The following TMEM45A variants were observed in gnomAD, a reference collection of about 807,000 sequenced individuals.
The protein encoded by TMEM45A is DNA polymerase-transactivated protein 4.
TMEM45A carries 25 observed loss-of-function variants against 32.0 expected under a neutral mutation model. That is an observed-to-expected ratio of 0.78 (90% CI 0.57 to 1.09). The LOEUF (loss-of-function observed/expected upper bound fraction) is 1.09. TMEM45A is among the 50% of genes least tolerant of loss of function. TMEM45A has a pLI of 0.00. For missense variants in TMEM45A, 302 were observed against 325.0 expected (o/e 0.93, Z 0.54); for synonymous variants, 122 against 114.8 (o/e 1.06, Z -0.40).
intron 1 of TMEM45A, among the ~76,000 whole-genome samples, chr3:100,541,531 T>C (rs1200304802): frequency 2.8e-5 from 4 of 145,218 alleles, no homozygotes; most frequent in Middle Eastern, 3.5e-3. Flanking sequence ...TTCCTTTTTT[T>C]TTTTTTTTTT....
At chr3:100,504,132 C>T (rs952608197) in intron 1 of TMEM45A, among the ~76,000 whole-genome samples, 2 of 152,040 alleles carry the variant, frequency 1.3e-5, no homozygotes, top group Non-Finnish European at 2.9e-5. Flanking sequence ...CTGATCCACT[C>T]TTGTTCAAGT....
At chr3:100,538,825 T>G (rs1244699290) in intron 1 of TMEM45A, among the ~76,000 whole-genome samples, 1 of 151,860 alleles carries the variant, frequency 6.6e-6, no homozygotes, top group Non-Finnish European at 1.5e-5. Flanking sequence ...CAACTGGAAT[T>G]CAAAATTAAA....
intron 3 of TMEM45A, among the ~76,000 whole-genome samples, chr3:100,557,292 G>A (rs1369316874): frequency 6.6e-6 from 1 of 152,026 alleles, no homozygotes. Context: ...TTTAACAAAC[G>A]AAAACTGATC....
chr3:100,556,736 A>C, intron 2 of TMEM45A, 24 bp from the exon 3 acceptor site: 1 of 1,597,824 alleles, frequency 6.3e-7, no homozygotes, highest in Non-Finnish European at 8.5e-7. Flanking sequence ...AGAGTTGCTA[A>C]AACTGTGATA....
At chr3:100,496,013 T>A (rs1031591058) in intron 1 of TMEM45A, among the ~76,000 whole-genome samples, 1 of 152,218 alleles carries the variant, frequency 6.6e-6, no homozygotes, top group South Asian at 2.1e-4. Flanking sequence ...AATATGCACT[T>A]AAGTGGAGAG....
chr3:100,525,117 G>A (rs1041670899), intron 1 of TMEM45A, among the ~76,000 whole-genome samples: 4 of 152,108 alleles, frequency 2.6e-5, no homozygotes, highest in African/African-American at 9.6e-5. Flanking sequence ...GAGTCCAGGA[G>A]TTTGAGACTG....
intron 1 of TMEM45A, among the ~76,000 whole-genome samples, chr3:100,522,199 C>T (rs1559639289): frequency 6.6e-6 from 1 of 152,152 alleles, no homozygotes. Flanking sequence ...TTCCCTGGAC[C>T]ATACCCTGTT....
At chr3:100,548,262 C>G (rs551530504) in intron 1 of TMEM45A, among the ~76,000 whole-genome samples, 26 of 152,278 alleles carry the variant, frequency 1.7e-4, no homozygotes, top group African/African-American at 6.3e-4. Flanking sequence ...CAAATGGCCT[C>G]TGGAGTACAG....
intron 1 of TMEM45A, among the ~76,000 whole-genome samples, chr3:100,549,633 A>G (rs576377675): frequency 5.4e-4 from 82 of 152,340 alleles, no homozygotes; most frequent in Non-Finnish European, 9.4e-4. Flanking sequence ...TGCTAGAAAG[A>G]TAGGAGCACA....
At chr3:100,564,007 TG>T (rs1706380536) in intron 4 of TMEM45A, among the ~76,000 whole-genome samples, 1 of 152,118 alleles carries the variant, frequency 6.6e-6, no homozygotes, top group African/African-American at 2.4e-5. Flanking sequence ...CAGCCCTTGG[TG>T]GGTGAGGCAC....
At chr3:100,575,601 A>T (rs1223987808) in intron 5 of TMEM45A, among the ~76,000 whole-genome samples, 1 of 151,932 alleles carries the variant, frequency 6.6e-6, no homozygotes, top group Non-Finnish European at 1.5e-5. Flanking sequence ...TGAACTCTTG[A>T]CCACAGGCGA....
At chr3:100,501,458 A>G (rs11926280) in intron 1 of TMEM45A, among the ~76,000 whole-genome samples, 64,941 of 151,682 alleles carry the variant, frequency 0.43, 14,142 homozygotes, top group Non-Finnish European at 0.46. Flanking sequence ...AAACCCTCAC[A>G]GGTGAGCTGG....
chr3:100,555,378 C>T lies in TMEM45A; in HGVS notation c.167C>T (p.Thr56Ile). The stretch of plus-strand genomic sequence containing the variant: ...CGATTGGAAATTTTGGAGGGAATTA[C>T]AATAGTTGGCATGGCTTTAACTGGT... ...FYRLEILEGI[T>I]IVGMALTGMA... The change falls in exon 2 of 6, where the codon ACA becomes ATA. Residue 56 changes from threonine (T) to isoleucine (I), a missense_variant. Transcript: ENST00000323523. The T allele has an allele frequency of 6.2e-7, 1 of 1,613,840 alleles. No individual in the cohort carries two copies. The highest frequency in any genetic ancestry group is 8.5e-7 in the Non-Finnish European group (1 of 1,179,862).
At chr3:100,566,316 C>G (rs1706437222) in intron 4 of TMEM45A, among the ~76,000 whole-genome samples, 1 of 152,110 alleles carries the variant, frequency 6.6e-6, no homozygotes, top group Admixed American at 6.6e-5. Context: ...CTATATTTAA[C>G]TTCCTGAGGA....
intron 1 of TMEM45A, among the ~76,000 whole-genome samples, chr3:100,536,883 A>G (rs980445311): frequency 6.6e-6 from 1 of 152,100 alleles, no homozygotes; most frequent in African/African-American, 2.4e-5. Flanking sequence ...CCTAGATTCA[A>G]TCATATTTGT....
intron 1 of TMEM45A, among the ~76,000 whole-genome samples, chr3:100,553,029 T>A (rs1466569489): frequency 2.0e-5 from 3 of 152,212 alleles, no homozygotes; most frequent in Non-Finnish European, 4.4e-5. Flanking sequence ...AGTAAAATTG[T>A]TCATTTGGTT....
At chr3:100,569,055 G>T in intron 5 of TMEM45A, 88 bp downstream of exon 5, 1 of 1,381,996 alleles carries the variant, frequency 7.2e-7, no homozygotes, top group East Asian at 2.3e-5. Context: ...AATTCAAAAG[G>T]GTATTTCATT....
chr3:100,506,442 C>G (rs1037246360), intron 1 of TMEM45A, among the ~76,000 whole-genome samples: 10 of 152,104 alleles, frequency 6.6e-5, no homozygotes, highest in Non-Finnish European at 1.5e-4. Context: ...AGTGGAAACA[C>G]ACCACTCTCC....
At chr3:100,534,589 G>C (rs1705706713) in intron 1 of TMEM45A, among the ~76,000 whole-genome samples, 1 of 152,176 alleles carries the variant, frequency 6.6e-6, no homozygotes, top group African/African-American at 2.4e-5. Context: ...ACGTGGCCCT[G>C]CCAGCACCTT....
Sources: gnomAD v4.1 joint callset for allele counts (sites outside exome capture counted in the v4.1 genomes callset) on GRCh38, gnomAD v4.1.1 for gene constraint, MANE v1.5 for transcripts, NCBI Gene and HGNC (gene_info 2026-07-23, HGNC 2026-07-21) for gene names.